Variants in PSMA1 observed in about 807,000 individuals in gnomAD.
The protein encoded by PSMA1 is proteasome 20S subunit alpha 1.
A neutral mutation model predicts 38.4 loss-of-function variants in PSMA1; 3 were observed. The ratio of observed to expected loss-of-function variants is 0.08; its 90% CI spans 0.04 to 0.20. The LOEUF is 0.20. Ranked by LOEUF, PSMA1 falls within the 10% of genes least tolerant of loss-of-function variation. The probability of loss-of-function intolerance (pLI) is 1.00; values close to 1 mark genes in which losing one functional copy is unlikely to be tolerated. For missense variants in PSMA1, 227 were observed against 325.3 expected (o/e 0.70, Z 2.32); for synonymous variants, 101 against 107.1 (o/e 0.94, Z 0.35).
In PSMA1 at chr11:14,567,138, C is replaced by A. The variant is rs1852081371; in HGVS notation, c.21+43828G>T. On this transcript the variant is annotated intron_variant, in intron 2 of 10. Transcript: ENST00000418988. Reference sequence around the variant, plus strand: ...CAGATGCTCAGAGAGGCACAGATGGCAGAGGATGCATCCACCTGAGAGTTG... The same window carrying A: ...CAGATGCTCAGAGAGGCACAGATGGAAGAGGATGCATCCACCTGAGAGTTG... 2.0e-5 allele frequency among the ~76,000 whole-genome samples: 3 copies of A among 152,194 alleles called. No homozygotes were observed. The South Asian group carries it at 6.2e-4, about 32-fold the overall frequency.
intron 7 of PSMA1, among the ~76,000 whole-genome samples, chr11:14,512,475 T>A (rs1477953445): frequency 6.6e-6 from 1 of 152,160 alleles, no homozygotes; most frequent in Admixed American, 6.5e-5. Flanking sequence ...CTCCCCAAAA[T>A]TATCTATAGA....
At chr11:14,575,534 T>A (rs1032769512) in intron 2 of PSMA1, among the ~76,000 whole-genome samples, 1 of 152,094 alleles carries the variant, frequency 6.6e-6, no homozygotes, top group African/African-American at 2.4e-5. Flanking sequence ...CTTGGGATAA[T>A]TTGCTCAGAA....
At chr11:14,527,054 A>G (rs1781519059) in intron 2 of PSMA1, among the ~76,000 whole-genome samples, 1 of 152,170 alleles carries the variant, frequency 6.6e-6, no homozygotes, top group African/African-American at 2.4e-5. Flanking sequence ...ATGGGCTGAA[A>G]GAGGTTTCCT....
intron 2 of PSMA1, among the ~76,000 whole-genome samples, chr11:14,602,141 C>T (rs1323783086): frequency 6.6e-6 from 1 of 152,116 alleles, no homozygotes; most frequent in African/African-American, 2.4e-5. Flanking sequence ...TTAGATCCCT[C>T]CCATTAGAGC....
At chr11:14,525,482 G>T (rs1439715005) in intron 2 of PSMA1, among the ~76,000 whole-genome samples, 8 of 152,080 alleles carry the variant, frequency 5.3e-5, no homozygotes, top group Admixed American at 5.2e-4. Flanking sequence ...AAGGATTAAA[G>T]CCTGTTATCA....
chr11:14,549,913 T>C (rs1173710911), intron 2 of PSMA1, among the ~76,000 whole-genome samples: 1 of 152,150 alleles, frequency 6.6e-6, no homozygotes, highest in Non-Finnish European at 1.5e-5. Flanking sequence ...ATATGTTGGA[T>C]GGGATCTTTG....
chr11:14,621,842 C>T (rs1852847536), intron 1 of PSMA1, among the ~76,000 whole-genome samples: 1 of 152,170 alleles, frequency 6.6e-6, no homozygotes, highest in South Asian at 2.1e-4. Context: ...TCTATCATAT[C>T]TGATGGTTCT....
intron 2 of PSMA1, among the ~76,000 whole-genome samples, chr11:14,609,461 T>C (rs1486967731): frequency 6.6e-6 from 1 of 152,134 alleles, no homozygotes; most frequent in Non-Finnish European, 1.5e-5. Context: ...AATAAGATAA[T>C]TAAATATTTA....
At chr11:14,515,824 G>A (rs1051313551) in intron 4 of PSMA1, among the ~76,000 whole-genome samples, 1 of 151,926 alleles carries the variant, frequency 6.6e-6, no homozygotes, top group Admixed American at 6.6e-5. Flanking sequence ...AGAGTGCTGG[G>A]ATTACAGGCA....
intron 2 of PSMA1, among the ~76,000 whole-genome samples, chr11:14,563,789 T>C (rs1474607221): frequency 1.3e-5 from 2 of 152,214 alleles, no homozygotes; most frequent in Non-Finnish European, 2.9e-5. Context: ...CTATTTCTGA[T>C]GCAAATAATT....
intron 2 of PSMA1, among the ~76,000 whole-genome samples, chr11:14,576,329 A>G (rs1253781999): frequency 6.6e-6 from 1 of 151,942 alleles, no homozygotes; most frequent in African/African-American, 2.4e-5. Flanking sequence ...ATTGCTTTTG[A>G]TGTTTTAGTC....
intron 1 of PSMA1, among the ~76,000 whole-genome samples, chr11:14,618,377 T>C (rs1590012294): frequency 6.6e-6 from 1 of 152,348 alleles, no homozygotes; most frequent in East Asian, 1.9e-4. Flanking sequence ...GTTTATTGCC[T>C]CTTCTAGAAC....
intron 1 of PSMA1, among the ~76,000 whole-genome samples, chr11:14,620,036 C>T (rs765090348): frequency 4.0e-5 from 6 of 151,882 alleles, no homozygotes; most frequent in Non-Finnish European, 8.8e-5. Context: ...GATTTGCTTT[C>T]TTCTTGGTTA....
chr11:14,599,453 C>G (rs767426252), intron 2 of PSMA1, among the ~76,000 whole-genome samples: 20 of 152,232 alleles, frequency 1.3e-4, no homozygotes, highest in Admixed American at 2.0e-4. Flanking sequence ...ACTCTTTTTT[C>G]TCTAATCTTG....
intron 2 of PSMA1, among the ~76,000 whole-genome samples, chr11:14,568,080 C>T (rs1444215036): frequency 6.6e-6 from 1 of 152,096 alleles, no homozygotes; most frequent in Non-Finnish European, 1.5e-5. Context: ...CTTGTATTTC[C>T]CCTGCAACAG....
chr11:14,604,195 G>T, intron 2 of PSMA1, among the ~76,000 whole-genome samples: 1 of 152,156 alleles, frequency 6.6e-6, no homozygotes, highest in African/African-American at 2.4e-5. Flanking sequence ...GAGTAGCTGG[G>T]ATTACAGGCA....
At position 14,638,585 on chromosome 11, in the gene PSMA1, A is replaced by ATTT. The variant is rs1162549899; in HGVS notation, c.-166+4867_-166+4869dup. Among the ~76,000 whole-genome samples, 2 of 8,096 alleles carry ATTT rather than the reference A, an allele frequency of 2.5e-4. 1 individual carries two copies. The highest frequency in any genetic ancestry group is 4.1e-4 in the Non-Finnish European group (2 of 4,880). The allele number at this position is 8,096 out of a possible 152,430, so 5.3% of individuals were successfully genotyped here. ...TATATATATATATATATATATATAT[A>ATTT]TTTTTTTTTTTTTTTTTTTTTTTTT... On this transcript the variant is annotated intron_variant, in intron 1 of 10. Transcript: ENST00000418988.
chr11:14,506,852 G>C (rs1851252145), intron 9 of PSMA1, among the ~76,000 whole-genome samples: 1 of 152,184 alleles, frequency 6.6e-6, no homozygotes, highest in Non-Finnish European at 1.5e-5. Flanking sequence ...TGCTGAAGAA[G>C]CGGCCCTGAA....
intron 2 of PSMA1, among the ~76,000 whole-genome samples, chr11:14,609,461 T>A (rs1486967731): frequency 1.3e-5 from 2 of 152,134 alleles, no homozygotes; most frequent in Non-Finnish European, 2.9e-5. Flanking sequence ...AATAAGATAA[T>A]TAAATATTTA....
Sources: allele counts gnomAD v4.1 joint callset (sites outside exome capture counted in the v4.1 genomes callset), GRCh38; gene constraint gnomAD v4.1.1; transcripts MANE v1.5; gene names NCBI Gene and HGNC (gene_info 2026-07-23, HGNC 2026-07-21).